The following TNPO3 variants were observed in gnomAD, a reference collection of about 807,000 sequenced individuals.
The protein encoded by TNPO3 is transportin-3.
A neutral mutation model predicts 122.8 loss-of-function variants in TNPO3; 65 were observed. That is an observed-to-expected ratio of 0.53 (90% CI 0.43 to 0.65). TNPO3 has a LOEUF of 0.65. Among genes scored for constraint, TNPO3 ranks in the 30% least tolerant of loss-of-function variants. The probability of loss-of-function intolerance (pLI) is 0.00; values close to 1 mark genes in which losing one functional copy is unlikely to be tolerated. For synonymous variants in TNPO3, 372 were observed against 411.2 expected, an observed-to-expected ratio of 0.90 and a Z score of 1.15; for missense variants, 850 against 1,136.7, an observed-to-expected ratio of 0.75 and a Z score of 3.63.
At chr7:128,976,641 G>A (rs764642440) in intron 16 of TNPO3, among the ~76,000 whole-genome samples, 3 of 152,062 alleles carry the variant, frequency 2.0e-5, no homozygotes, top group Non-Finnish European at 4.4e-5. Context: ...GCCCGGCCAC[G>A]ATATGCGCTT....
intron 21 of TNPO3, among the ~76,000 whole-genome samples, chr7:128,964,429 G>A (rs559760700): frequency 2.0e-4 from 28 of 140,690 alleles, no homozygotes; most frequent in South Asian, 1.6e-3. Flanking sequence ...TCCACCTCCC[G>A]GGTTCACGCC....
intron 18 of TNPO3, among the ~76,000 whole-genome samples, 170 bp downstream of exon 18, chr7:128,974,698 C>A (rs896666815): frequency 6.6e-6 from 1 of 152,138 alleles, no homozygotes; most frequent in Non-Finnish European, 1.5e-5. Flanking sequence ...CAATACTCTG[C>A]GTCACTGCTG....
chr7:129,024,800 G>A (rs2150466003), intron 1 of TNPO3, among the ~76,000 whole-genome samples: 1 of 152,214 alleles, frequency 6.6e-6, no homozygotes, highest in East Asian at 1.9e-4. Flanking sequence ...AAAGCAGGAG[G>A]ATCACTTGAG....
chr7:128,960,180 TA>T, intron 21 of TNPO3, among the ~76,000 whole-genome samples: 1 of 152,308 alleles, frequency 6.6e-6, no homozygotes, highest in East Asian at 1.9e-4. Flanking sequence ...GATGCTGGTA[TA>T]AACAAACCTA....
chr7:129,002,745 T>C (rs1017367784), intron 5 of TNPO3, among the ~76,000 whole-genome samples: 2 of 151,778 alleles, frequency 1.3e-5, no homozygotes, highest in African/African-American at 2.4e-5. Flanking sequence ...AGTGAAACCC[T>C]GTCTCTACTA....
At chr7:128,993,729 G>T (rs1800999033) in intron 9 of TNPO3, 78 bp downstream of exon 9, 10 of 1,243,604 alleles carry the variant, frequency 8.0e-6, no homozygotes, top group Non-Finnish European at 1.0e-5. Context: ...AAATAAGATG[G>T]AACATTCACA....
In TNPO3 at chr7:128,960,635, T is replaced by A. The variant is rs949411998; in HGVS notation, c.2712-3320A>T. 4.6e-5 allele frequency among the ~76,000 whole-genome samples: 7 copies of A among 151,542 alleles called. No homozygotes were observed. The South Asian group carries it at 6.2e-4, about 14-fold the overall frequency. On this transcript the variant is annotated intron_variant, in intron 21 of 22. Transcript: ENST00000265388. ...AGCTTATAAAGATATAAAGAAAAAA[T>A]TTTTTAATGAGCTGTACAATTTGTG...
chr7:129,027,826 A>T (rs1258305889), intron 1 of TNPO3, among the ~76,000 whole-genome samples: 4 of 152,176 alleles, frequency 2.6e-5, no homozygotes, highest in Non-Finnish European at 5.9e-5. Flanking sequence ...AAAAACTGGA[A>T]TTCAGAAATA....
At chr7:129,050,737 A>G (rs1241442449) in intron 1 of TNPO3, among the ~76,000 whole-genome samples, 2 of 152,250 alleles carry the variant, frequency 1.3e-5, no homozygotes, top group East Asian at 3.8e-4. Flanking sequence ...GAACACTGGC[A>G]GTCTAGCTTA....
chr7:129,000,831 T>C (rs1801866225), intron 6 of TNPO3, among the ~76,000 whole-genome samples: 2 of 152,186 alleles, frequency 1.3e-5, no homozygotes, highest in African/African-American at 4.8e-5. Context: ...ATTTTAAAAT[T>C]TGTCTCCAAC....
chr7:128,967,369 A>G lies in TNPO3; in HGVS notation c.2622T>C (p.Asn874=). The G allele has an allele frequency of 6.2e-7, 1 of 1,613,712 alleles. No individual in the cohort carries two copies. The highest frequency in any genetic ancestry group is 8.5e-7 in the Non-Finnish European group (1 of 1,179,642). ...DRPTFCRWLE[N]SLKGLPKETT... is the part of the protein sequence containing the mutation. ...TTTCCTTTGGCAAACCTTTTAAGGA[A>G]TTTTCTAACCATCGACAAAAAGTCT... The change falls in exon 21 of 23, where the codon AAT becomes AAC. Residue 874 remains asparagine (N), a synonymous_variant. Coordinates refer to ENST00000265388, the MANE Select transcript of TNPO3 (RefSeq NM_012470.4).
At position 128,972,578 on chromosome 7, in the gene TNPO3, T is replaced by C. The variant is rs762682397; in HGVS notation, c.2278A>G (p.Ile760Val). 3 of 1,613,104 alleles carry C rather than the reference T, an allele frequency of 1.9e-6. No individual in the cohort carries two copies. The highest frequency in any genetic ancestry group is 8.5e-7 in the Non-Finnish European group (1 of 1,179,680). ...AGCAAGGTGACAGGGCTACGCTGAA[T>C]AAACCTGGTGTGGAAAGTGAGACTA... ...DDLFRLATRF[I>V]QRSPVTLLRS... The change falls in exon 19 of 23, where the codon ATT becomes GTT. Residue 760 changes from isoleucine (I) to valine (V), a missense_variant. Coordinates refer to ENST00000265388, the MANE Select transcript of TNPO3 (RefSeq NM_012470.4).
chr7:129,040,519 G>A (rs1016147170), intron 1 of TNPO3, among the ~76,000 whole-genome samples: 30 of 152,152 alleles, frequency 2.0e-4, no homozygotes, highest in African/African-American at 6.3e-4. Context: ...TGTTATTTGC[G>A]ATTACTTAAA....
In TNPO3 at chr7:129,027,684, A is replaced by G. The variant is rs555237817; in HGVS notation, c.121-9527T>C. Among the ~76,000 whole-genome samples, 31 of 151,702 alleles carry G rather than the reference A, an allele frequency of 2.0e-4. No homozygotes were observed. The East Asian group carries it at 5.8e-3, about 28-fold the overall frequency. On this transcript the variant is annotated intron_variant, in intron 1 of 22. Transcript: ENST00000265388. The stretch of plus-strand genomic sequence containing the variant: ...AGGCCACAGTTCCCAGAAAGAAGGG[A>G]ATGGAAGAGCAGAGAGTTCAGTTCA...
intron 16 of TNPO3, among the ~76,000 whole-genome samples, chr7:128,976,787 C>G (rs1006548270): frequency 2.0e-5 from 3 of 152,162 alleles, no homozygotes; most frequent in Non-Finnish European, 4.4e-5. Flanking sequence ...GAACTTGGGA[C>G]TGAAAGGATA....
intron 11 of TNPO3, 87 bp downstream of exon 11, chr7:128,989,874 A>T: frequency 1.3e-6 from 2 of 1,489,928 alleles, no homozygotes; most frequent in Non-Finnish European, 1.8e-6. Flanking sequence ...AAAAACAGAA[A>T]GGAAAACACA....
intron 20 of TNPO3, 56 bp from the exon 21 acceptor site, chr7:128,967,448 G>T: frequency 2.6e-6 from 3 of 1,156,914 alleles, no homozygotes; most frequent in South Asian, 1.3e-5. Context: ...ACTCACCTGA[G>T]ACCCTACAGA....
intron 1 of TNPO3, among the ~76,000 whole-genome samples, chr7:129,042,063 C>G (rs756222231): frequency 1.3e-5 from 2 of 152,174 alleles, no homozygotes; most frequent in Non-Finnish European, 2.9e-5. Flanking sequence ...CGCCTAAGGA[C>G]TCATTAGCTG....
At chr7:129,014,334 G>A (rs1189347606) in intron 4 of TNPO3, among the ~76,000 whole-genome samples, 1 of 152,088 alleles carries the variant, frequency 6.6e-6, no homozygotes, top group Admixed American at 6.6e-5. Flanking sequence ...GCCAGCCTAG[G>A]CAACATGGAG....
Sources: gnomAD v4.1 joint callset for allele counts (sites outside exome capture counted in the v4.1 genomes callset) on GRCh38, gnomAD v4.1.1 for gene constraint, MANE v1.5 for transcripts, NCBI Gene and HGNC (gene_info 2026-07-23, HGNC 2026-07-21) for gene names.